Variants in KIF26B observed in about 807,000 individuals in gnomAD.
KIF26B encodes the protein kinesin-like protein KIF26B.
A neutral mutation model predicts 151.2 loss-of-function variants in KIF26B; 63 were observed. The ratio of observed to expected loss-of-function variants is 0.42; its 90% CI spans 0.34 to 0.51. The LOEUF is 0.51. Among genes scored for constraint, KIF26B ranks in the 20% least tolerant of loss-of-function variants. The pLI, the probability that KIF26B is intolerant of heterozygous loss-of-function variation, is 0.07. For synonymous variants in KIF26B, 1,357 were observed against 1,262.1 expected, an observed-to-expected ratio of 1.08 and a Z score of -1.59; for missense variants, 2,813 against 2,913.6, an observed-to-expected ratio of 0.97 and a Z score of 0.79.
At chr1:245,622,551 C>A (rs1021504888) in intron 9 of KIF26B, among the ~76,000 whole-genome samples, 1 of 152,224 alleles carries the variant, frequency 6.6e-6, no homozygotes, top group Non-Finnish European at 1.5e-5. Context: ...TCCAGACACA[C>A]GCGGGTCCCA....
At chr1:245,695,990 A>G (rs1317151239) in intron 12 of KIF26B, among the ~76,000 whole-genome samples, 1 of 152,116 alleles carries the variant, frequency 6.6e-6, no homozygotes, top group Non-Finnish European at 1.5e-5. Context: ...TGGCACGGGT[A>G]TTGGCAGGAG....
intron 5 of KIF26B, among the ~76,000 whole-genome samples, chr1:245,586,802 C>T (rs1408599619): frequency 1.3e-5 from 2 of 150,604 alleles, no homozygotes; most frequent in African/African-American, 2.4e-5. Flanking sequence ...AGGAGAATGG[C>T]GTGAACCCGG....
In KIF26B at chr1:245,177,248, G is replaced by A. The variant is rs559471637; in HGVS notation, c.465+20565G>A. Among the ~76,000 whole-genome samples, 6 of 152,256 alleles carry A rather than the reference G, an allele frequency of 3.9e-5. No homozygotes were observed. The East Asian group carries it at 1.2e-3, about 29-fold the overall frequency. On this transcript the variant is annotated intron_variant, in intron 2 of 14. Coordinates refer to ENST00000407071, the MANE Select transcript of KIF26B (RefSeq NM_018012.4). The stretch of plus-strand genomic sequence containing the variant: ...TTATAGGTATGAGTCACTACATCTG[G>A]CCCATGAGTCACTGCACCTGTCCCA...
chr1:245,440,168 C>T (rs1659039930), intron 4 of KIF26B, among the ~76,000 whole-genome samples: 1 of 151,972 alleles, frequency 6.6e-6, no homozygotes, highest in African/African-American at 2.4e-5. Context: ...TCGCAGTGAG[C>T]CGAGATCGTG....
chr1:245,532,247 T>TC (rs1491140339), intron 4 of KIF26B, among the ~76,000 whole-genome samples: 1 of 76,792 alleles, frequency 1.3e-5, no homozygotes, highest in Non-Finnish European at 3.5e-5. Context: ...TCTTTTCTTT[T>TC]CTTTTTTTTT....
At chr1:245,668,823 G>T (rs1272355085) in intron 10 of KIF26B, among the ~76,000 whole-genome samples, 1 of 152,146 alleles carries the variant, frequency 6.6e-6, no homozygotes, top group African/African-American at 2.4e-5. Flanking sequence ...CCAAGTAGCT[G>T]GGATTACAGG....
chr1:245,661,360 G>C (rs2044136025), intron 10 of KIF26B, among the ~76,000 whole-genome samples: 1 of 151,044 alleles, frequency 6.6e-6, no homozygotes, highest in African/African-American at 2.4e-5. Flanking sequence ...CTTGGAATTT[G>C]TTCCTTTTGA....
chr1:245,443,345 G>T (rs529064842), intron 4 of KIF26B, among the ~76,000 whole-genome samples: 2 of 149,456 alleles, frequency 1.3e-5, no homozygotes, highest in Non-Finnish European at 3.0e-5. Context: ...TGTTCACCTA[G>T]AGCTGTCATC....
chr1:245,520,104 C>T (rs1029405193), intron 4 of KIF26B, among the ~76,000 whole-genome samples: 15 of 104,056 alleles, frequency 1.4e-4, no homozygotes, highest in Non-Finnish European at 4.1e-5. Context: ...AAATTAAATA[C>T]TCAACTAACT....
At chr1:245,295,729 C>T (rs1237941357) in intron 2 of KIF26B, among the ~76,000 whole-genome samples, 2 of 152,178 alleles carry the variant, frequency 1.3e-5, no homozygotes, top group Non-Finnish European at 2.9e-5. Flanking sequence ...TTTTCATGGA[C>T]TAGAACTAAT....
intron 9 of KIF26B, among the ~76,000 whole-genome samples, chr1:245,625,390 T>C (rs1572165745): frequency 6.6e-6 from 1 of 152,348 alleles, no homozygotes; most frequent in East Asian, 1.9e-4. Context: ...CTTCACAGTA[T>C]TGAGTGTTCT....
intron 3 of KIF26B, among the ~76,000 whole-genome samples, chr1:245,378,100 T>G (rs1294188420): frequency 6.6e-6 from 1 of 152,074 alleles, no homozygotes; most frequent in African/African-American, 2.4e-5. Context: ...GTAGATAAAT[T>G]TAAGTTGCGA....
intron 4 of KIF26B, among the ~76,000 whole-genome samples, chr1:245,426,709 G>C (rs1658658063): frequency 2.0e-5 from 3 of 152,324 alleles, no homozygotes; most frequent in South Asian, 2.1e-4. Context: ...TGAGCAGAGA[G>C]GACTGACCTC....
intron 2 of KIF26B, among the ~76,000 whole-genome samples, chr1:245,294,019 G>T (rs1418688227): frequency 6.6e-6 from 1 of 152,190 alleles, no homozygotes; most frequent in Non-Finnish European, 1.5e-5. Context: ...GCAGAATCCG[G>T]GTGAGAAATA....
rs1196818602 is a variant in KIF26B at position 245,680,785 on chromosome 1, C to G, written c.2259-3448C>G. Among the ~76,000 whole-genome samples, 4 of 152,196 alleles carry G rather than the reference C, an allele frequency of 2.6e-5. No homozygotes were observed. In the South Asian group the frequency reaches 8.3e-4, roughly 32 times the overall value. On this transcript the variant is annotated intron_variant, in intron 10 of 14. Coordinates refer to ENST00000407071, the MANE Select transcript of KIF26B (RefSeq NM_018012.4). ...GCGGTTTCACAGTCATTCTCCGACACGGGCAGAGGGGTGAAGATACTGAGT... is the reference window on the plus strand; with the variant it reads ...GCGGTTTCACAGTCATTCTCCGACAGGGGCAGAGGGGTGAAGATACTGAGT...
chr1:245,404,760 A>G (rs1258248114), intron 3 of KIF26B, among the ~76,000 whole-genome samples: 3 of 152,366 alleles, frequency 2.0e-5, no homozygotes, highest in Non-Finnish European at 4.4e-5. Context: ...TCTGGTGTCA[A>G]CTTTCACAGA....
chr1:245,562,158 C>T (rs1040710135), intron 5 of KIF26B, among the ~76,000 whole-genome samples: 5 of 152,064 alleles, frequency 3.3e-5, no homozygotes, highest in Non-Finnish European at 5.9e-5. Context: ...TGCTAGTGGT[C>T]CCTTCAGAGA....
At chr1:245,431,789 G>A (rs1658788237) in intron 4 of KIF26B, among the ~76,000 whole-genome samples, 1 of 152,192 alleles carries the variant, frequency 6.6e-6, no homozygotes, top group Non-Finnish European at 1.5e-5. Context: ...ACCAACTACT[G>A]TTTATGCTTC....
chr1:245,229,252 G>A (rs932136748), intron 2 of KIF26B, among the ~76,000 whole-genome samples: 10 of 152,006 alleles, frequency 6.6e-5, no homozygotes, highest in African/African-American at 9.7e-5. Flanking sequence ...GATTACAAGC[G>A]TGAGCCACCG....
Sources: allele counts gnomAD v4.1 joint callset (sites outside exome capture counted in the v4.1 genomes callset), GRCh38; gene constraint gnomAD v4.1.1; transcripts MANE v1.5; gene names NCBI Gene and HGNC (gene_info 2026-07-23, HGNC 2026-07-21).